The following F13A1 variants were observed in gnomAD, a reference collection of about 807,000 sequenced individuals.
The protein encoded by F13A1 is coagulation factor XIII A chain.
F13A1 carries 47 observed loss-of-function variants against 80.1 expected under a neutral mutation model. That is an observed-to-expected ratio of 0.59 (90% confidence interval 0.46 to 0.75). The LOEUF is 0.75. Among genes scored for constraint, F13A1 ranks in the 30% least tolerant of loss-of-function variants. The probability of loss-of-function intolerance (pLI) is 0.00; values close to 1 mark genes in which losing one functional copy is unlikely to be tolerated. For synonymous variants in F13A1, 349 were observed against 344.9 expected, an observed-to-expected ratio of 1.01 and a Z score of -0.13; for missense variants, 817 against 930.4, an observed-to-expected ratio of 0.88 and a Z score of 1.59.
chr6:6,309,022 C>T (rs1343485923), intron 2 of F13A1, among the ~76,000 whole-genome samples: 1 of 152,156 alleles, frequency 6.6e-6, no homozygotes, highest in African/African-American at 2.4e-5. Context: ...GATATTAAGA[C>T]TTTGCATGGG....
intron 6 of F13A1, among the ~76,000 whole-genome samples, chr6:6,233,508 C>A (rs1757377893): frequency 6.6e-6 from 1 of 152,074 alleles, no homozygotes; most frequent in Non-Finnish European, 1.5e-5. Flanking sequence ...CAGGAGAATT[C>A]TACCAGACAT....
rs767358574 is a variant in F13A1, at chr6:6,174,688, G to T, written c.1639C>A (p.Arg547Ser). ...SITFRNNSHN[R>S]YTITAYLSAN... is the part of the protein sequence containing the mutation. ...GAGAGATAAGCTGTGATGGTGTAACGGTTGTGGCTGTTGTTCCGGAAGGTG... is the reference window on the plus strand; with the variant it reads ...GAGAGATAAGCTGTGATGGTGTAACTGTTGTGGCTGTTGTTCCGGAAGGTG... The change falls in exon 12 of 15, where the codon CGT becomes AGT. Residue 547 changes from arginine to serine, a missense_variant. Arg to Ser is a moderately radical substitution (Grantham distance 110). Coordinates refer to ENST00000264870, the MANE Select transcript of F13A1 (RefSeq NM_000129.4). The T allele has an allele frequency of 6.2e-7, 1 of 1,614,176 alleles. No homozygotes were observed. The highest frequency in any genetic ancestry group is 8.5e-7 in the Non-Finnish European group (1 of 1,180,022).
intron 4 of F13A1, among the ~76,000 whole-genome samples, chr6:6,261,084 T>G (rs1367496805): frequency 6.6e-6 from 1 of 152,208 alleles, no homozygotes. Flanking sequence ...TTCTCCTGCC[T>G]CAGCCTCCTG....
intron 10 of F13A1, among the ~76,000 whole-genome samples, chr6:6,185,347 T>C (rs945457205): frequency 1.0e-4 from 14 of 139,938 alleles, no homozygotes; most frequent in Non-Finnish European, 2.0e-4. Flanking sequence ...TGTGATCTCA[T>C]TGTTCAATTC....
At chr6:6,208,769 T>A (rs1761542398) in intron 8 of F13A1, among the ~76,000 whole-genome samples, 1 of 152,186 alleles carries the variant, frequency 6.6e-6, no homozygotes, top group African/African-American at 2.4e-5. Context: ...TTTTCTCTCT[T>A]ATTCGCTCTC....
chr6:6,225,854 T>C (rs1367680813), intron 6 of F13A1, among the ~76,000 whole-genome samples: 1 of 152,208 alleles, frequency 6.6e-6, no homozygotes. Flanking sequence ...TTTCTTATGA[T>C]TGTTTAAACA....
chr6:6,305,631 G>C, intron 2 of F13A1, 92 bp from the exon 3 acceptor site: 6 of 1,357,258 alleles, frequency 4.4e-6, no homozygotes, highest in Non-Finnish European at 6.2e-6. Context: ...CCCTGAAGAA[G>C]GCAGGTAGCA....
chr6:6,260,957 TTTTG>T (rs1164030922), intron 4 of F13A1, among the ~76,000 whole-genome samples: 5 of 152,090 alleles, frequency 3.3e-5, no homozygotes, highest in African/African-American at 1.2e-4. Flanking sequence ...TCCTGAGGTT[TTTTG>T]TTTGTTTGTT....
intron 13 of F13A1, among the ~76,000 whole-genome samples, chr6:6,165,601 T>TGA (rs1180804730): frequency 3.9e-5 from 6 of 151,942 alleles, no homozygotes; most frequent in Non-Finnish European, 8.8e-5. Context: ...ACCTGCGCAA[T>TGA]AGCCCAGAAG....
At chr6:6,306,790 G>A (rs1396998547) in intron 2 of F13A1, among the ~76,000 whole-genome samples, 1 of 152,230 alleles carries the variant, frequency 6.6e-6, no homozygotes, top group East Asian at 1.9e-4. Flanking sequence ...CACAGTTGCT[G>A]AGCTTGTACC....
At chr6:6,147,874 G>A (rs2151067270) in intron 14 of F13A1, among the ~76,000 whole-genome samples, 1 of 152,304 alleles carries the variant, frequency 6.6e-6, no homozygotes, top group East Asian at 1.9e-4. Flanking sequence ...GAGCAATGTT[G>A]GAGTAATCCT....
chr6:6,309,877 C>T (rs1758565992), intron 2 of F13A1, among the ~76,000 whole-genome samples: 1 of 152,060 alleles, frequency 6.6e-6, no homozygotes, highest in African/African-American at 2.4e-5. Context: ...CTATTCCTAC[C>T]CTCCCTCCCT....
rs561418000 is a variant in F13A1, at chr6:6,221,934, C to T, written c.1112+99G>A. The T allele has an allele frequency of 2.8e-6, 4 of 1,425,920 alleles. No homozygotes were observed. The African/African-American group carries it at 4.2e-5, about 15-fold the overall frequency. 88.3% of individuals were successfully genotyped at this position (1,425,920 alleles called of 1,614,324 possible). The stretch of plus-strand genomic sequence containing the variant: ...TCTGCCTGTGCTGTTGAATGGTCCT[C>T]AAAATAGAACAGAAACATCAGATTG... On this transcript the variant is annotated intron_variant, in intron 8 of 14. Transcript: ENST00000264870.
rs532044897 is a variant in F13A1 at position 6,245,734 on chromosome 6, C to T, written c.798+2578G>A. 1.1e-3 allele frequency among the ~76,000 whole-genome samples: 170 copies of T among 152,208 alleles called. 1 individual carries two copies. The highest frequency in any genetic ancestry group is 1.8e-3 in the Non-Finnish European group (125 of 68,042). ...AGCTCCACTCTCTCCAGATACCCAG[C>T]AAAGACTGGTCTGCTCATCCTCACT... On this transcript the variant is annotated intron_variant, in intron 6 of 14. Coordinates refer to ENST00000264870, the MANE Select transcript of F13A1 (RefSeq NM_000129.4).
At chr6:6,276,272 G>C (rs1757986917) in intron 3 of F13A1, among the ~76,000 whole-genome samples, 1 of 152,200 alleles carries the variant, frequency 6.6e-6, no homozygotes, top group Non-Finnish European at 1.5e-5. Context: ...AGATGTCAGG[G>C]TGTGTCTCCT....
At chr6:6,183,263 T>C (rs922062389) in intron 10 of F13A1, among the ~76,000 whole-genome samples, 4 of 152,362 alleles carry the variant, frequency 2.6e-5, no homozygotes, top group Non-Finnish European at 5.9e-5. Context: ...AATAACTCCT[T>C]CTTCATAGGA....
chr6:6,281,389 T>A (rs1758062954), intron 3 of F13A1, among the ~76,000 whole-genome samples: 1 of 152,122 alleles, frequency 6.6e-6, no homozygotes. Context: ...AGGCCCAGTG[T>A]CAGACCAGGT....
At position 6,248,414 on chromosome 6, in the gene F13A1, T is replaced by A; in HGVS notation, c.696A>T (p.Glu232Asp). ...KTRSWSYGQF[E>D]DGILDTCLYV... ...ACAGGCAAGTGTCCAGGATGCCATC[T>A]TCAAACTATTTGGAGAAAGAAAAAC... Residue 232 changes from glutamate (E) to aspartate (D), a missense_variant, in exon 6 of 15, where the codon GAA becomes GAT. Transcript: ENST00000264870. 1 of 1,613,090 alleles carries A rather than the reference T, an allele frequency of 6.2e-7. No homozygotes were observed. The highest frequency in any genetic ancestry group is 8.5e-7 in the Non-Finnish European group (1 of 1,179,458).
rs1307095265 is a variant in F13A1, at chr6:6,264,374, G to A, written c.571+2184C>T. Among the ~76,000 whole-genome samples the A allele has an allele frequency of 3.3e-5, 5 of 152,114 alleles. No individual in the cohort carries two copies. The East Asian group carries it at 7.7e-4, about 24-fold the overall frequency. Reference sequence around the variant, plus strand: ...ATATGTAGCCTAGGATTTTCTTTTTGTAATAAAAAGAAAGTCAATAACAAA... The same window carrying A: ...ATATGTAGCCTAGGATTTTCTTTTTATAATAAAAAGAAAGTCAATAACAAA... On this transcript the variant is annotated intron_variant, in intron 4 of 14. Transcript: ENST00000264870.
Sources: allele counts gnomAD v4.1 joint callset (sites outside exome capture counted in the v4.1 genomes callset), GRCh38; gene constraint gnomAD v4.1.1; transcripts MANE v1.5; gene names NCBI Gene and HGNC (gene_info 2026-07-23, HGNC 2026-07-21).